MIPEP: variants seen among roughly 807,000 people sequenced by gnomAD.
The protein encoded by MIPEP is mitochondrial intermediate peptidase.
Under a neutral mutation model 90.3 loss-of-function variants are expected in MIPEP, and 79 were observed. That is an observed-to-expected ratio of 0.87 (90% CI 0.73 to 1.05). MIPEP has a LOEUF of 1.05. Ranked by LOEUF, MIPEP falls within the 50% of genes least tolerant of loss-of-function variation. MIPEP has a pLI of 0.00. For missense variants in MIPEP, 940 were observed against 905.6 expected (o/e 1.04, Z -0.49); for synonymous variants, 334 against 315.8 (o/e 1.06, Z -0.61).
At chr13:23,765,402 A>G (rs974972453) in intron 16 of MIPEP, among the ~76,000 whole-genome samples, 2 of 152,226 alleles carry the variant, frequency 1.3e-5, no homozygotes, top group African/African-American at 2.4e-5. Context: ...ATTACAGTAC[A>G]TAAGTTGTCC....
At chr13:23,756,524 G>A (rs1952492622) in intron 18 of MIPEP, 21 bp downstream of exon 18, 1 of 1,607,194 alleles carries the variant, frequency 6.2e-7, no homozygotes, top group Admixed American at 1.7e-5. Flanking sequence ...TATAGATGGT[G>A]CCATTTTGGT....
intron 2 of MIPEP, among the ~76,000 whole-genome samples, chr13:23,886,090 T>A: frequency 6.6e-6 from 1 of 152,120 alleles, no homozygotes; most frequent in Middle Eastern, 3.4e-3. Context: ...CATTATATAT[T>A]ACATGTATAT....
chr13:23,844,351 G>A (rs11844007), intron 10 of MIPEP, among the ~76,000 whole-genome samples: 14,873 of 152,134 alleles, frequency 0.098, 2,424 homozygotes, highest in African/African-American at 0.34. Context: ...TGCACATGAG[G>A]AGGTTGAAAG....
At chr13:23,806,172 C>A (rs1391902266) in intron 15 of MIPEP, 103 bp from the exon 16 acceptor site, 1 of 1,206,548 alleles carries the variant, frequency 8.3e-7, no homozygotes, top group East Asian at 2.4e-5. Flanking sequence ...AGTTACCAAT[C>A]ACAGTTGAAA....
intron 18 of MIPEP, chr13:23,747,473 G>T (rs1262266494): frequency 6.3e-6 from 3 of 473,712 alleles, no homozygotes; most frequent in African/African-American, 5.9e-5. Context: ...TACTCGTCCA[G>T]TGGGCAGAAC....
chr13:23,750,620 C>G (rs758209807), intron 18 of MIPEP, among the ~76,000 whole-genome samples: 1 of 152,164 alleles, frequency 6.6e-6, no homozygotes, highest in Non-Finnish European at 1.5e-5. Flanking sequence ...TCATTTCCCC[C>G]GCTGTCTCTA....
chr13:23,844,459 C>T (rs1322326001), intron 10 of MIPEP, among the ~76,000 whole-genome samples: 2 of 152,132 alleles, frequency 1.3e-5, no homozygotes, highest in Non-Finnish European at 2.9e-5. Context: ...CAAACTGCTG[C>T]CCCCAAAACT....
chr13:23,787,678 G>C (rs1952861950), intron 16 of MIPEP, among the ~76,000 whole-genome samples: 1 of 152,168 alleles, frequency 6.6e-6, no homozygotes, highest in Admixed American at 6.5e-5. Flanking sequence ...GTGAATGATT[G>C]CTCAGCATTG....
At position 23,884,202 on chromosome 13, in the gene MIPEP, T is replaced by C. The variant is rs546027778; in HGVS notation, c.363+2131A>G. On this transcript the variant is annotated intron_variant, in intron 2 of 18. Coordinates refer to ENST00000382172, the MANE Select transcript of MIPEP (RefSeq NM_005932.4). ...TAGGGAGAGAGAACAGATTAGTGGT[T>C]GCCAGAGGTTAGTGGGGAGGGGGGG... Among the ~76,000 whole-genome samples the C allele has an allele frequency of 1.6e-3, 235 of 143,050 alleles. 1 individual carries two copies. Among genetic ancestry groups the C allele is most frequent in the Admixed American group, 6.0e-3 (85 of 14,240 alleles). 93.8% of individuals were successfully genotyped at this position (143,050 alleles called of 152,430 possible).
At chr13:23,887,966 C>T (rs1871580545) in intron 1 of MIPEP, 1 of 326,538 alleles carries the variant, frequency 3.1e-6, no homozygotes, top group Non-Finnish European at 5.9e-6. Context: ...TACAACCTGC[C>T]CATATTGCTC....
chr13:23,807,521 T>C (rs1258365482), intron 15 of MIPEP, among the ~76,000 whole-genome samples: 1 of 152,254 alleles, frequency 6.6e-6, no homozygotes, highest in Non-Finnish European at 1.5e-5. Flanking sequence ...TTCTAAATTA[T>C]AAAGTTAAGT....
chr13:23,887,776 T>C (rs561037392), intron 1 of MIPEP, among the ~76,000 whole-genome samples: 1 of 152,352 alleles, frequency 6.6e-6, no homozygotes, highest in East Asian at 1.9e-4. Flanking sequence ...CAAGCCCTAC[T>C]GTTTCTACAA....
At chr13:23,821,418 A>G (rs1189107366) in intron 14 of MIPEP, among the ~76,000 whole-genome samples, 1 of 152,090 alleles carries the variant, frequency 6.6e-6, no homozygotes. Flanking sequence ...GAATCCCACC[A>G]AGTCCAAATG....
intron 16 of MIPEP, among the ~76,000 whole-genome samples, chr13:23,788,044 G>A (rs1330307752): frequency 6.6e-6 from 1 of 152,094 alleles, no homozygotes; most frequent in African/African-American, 2.4e-5. Flanking sequence ...ATGTTTGTGT[G>A]TTTCCTCTTC....
intron 18 of MIPEP, among the ~76,000 whole-genome samples, chr13:23,749,836 C>G (rs1952421580): frequency 6.6e-6 from 1 of 152,102 alleles, no homozygotes; most frequent in Admixed American, 6.5e-5. Flanking sequence ...TCTCATAGTC[C>G]TCAGAATAAA....
intron 16 of MIPEP, among the ~76,000 whole-genome samples, chr13:23,796,582 TA>T (rs5802254): frequency 2.5e-4 from 36 of 143,644 alleles, no homozygotes; most frequent in Admixed American, 2.8e-4. Context: ...TTGGGACTAC[TA>T]AAAAAAAAAA....
At chr13:23,884,028 G>A (rs558702612) in intron 2 of MIPEP, among the ~76,000 whole-genome samples, 3 of 152,244 alleles carry the variant, frequency 2.0e-5, no homozygotes, top group Admixed American at 6.5e-5. Flanking sequence ...TCTGAAAGGT[G>A]TTAATGCTCA....
rs202162440 is a variant in MIPEP at position 23,837,653 on chromosome 13, G to A, written c.1442C>T (p.Ser481Phe). 2.1e-4 allele frequency: 343 copies of A among 1,613,648 alleles called. 2 individuals carry two copies. The East Asian group carries it at 7.4e-3, about 35-fold the overall frequency. ...MLNLPRSSRS[S>F]PTLLTPSMME... ...CATGCTAGGAGTTAGCAAAGTTGGA[G>A]AACTCCTTGAGGAACGGGGAAGATT... Residue 481 changes from serine (S) to phenylalanine (F), a missense_variant, in exon 13 of 19, where the codon TCT becomes TTT. Physicochemically the swap from Ser to Phe is radical, Grantham distance 155 (BLOSUM62 -2). Transcript: ENST00000382172.
chr13:23,783,045 C>T (rs1208189786), intron 16 of MIPEP, among the ~76,000 whole-genome samples: 1 of 152,168 alleles, frequency 6.6e-6, no homozygotes, highest in Non-Finnish European at 1.5e-5. Flanking sequence ...GAGCTGGTAC[C>T]ATTCCTTCTG....
Sources: gnomAD v4.1 joint callset for allele counts (sites outside exome capture counted in the v4.1 genomes callset) on GRCh38, gnomAD v4.1.1 for gene constraint, MANE v1.5 for transcripts, NCBI Gene and HGNC (gene_info 2026-07-23, HGNC 2026-07-21) for gene names.